The following DCTN6 variants were observed in gnomAD, a reference collection of about 807,000 sequenced individuals.
DCTN6 encodes the protein dynactin 6.
A neutral mutation model predicts 25.8 loss-of-function variants in DCTN6; 15 were observed. That is an observed-to-expected ratio of 0.58 (90% CI 0.39 to 0.89). DCTN6 has a LOEUF of 0.89. Ranked by LOEUF, DCTN6 falls within the 40% of genes least tolerant of loss-of-function variation. The pLI is 0.00. For missense variants in DCTN6, 198 were observed against 237.6 expected, an observed-to-expected ratio of 0.83 and a Z score of 1.09; for synonymous variants, 64 against 78.3, an observed-to-expected ratio of 0.82 and a Z score of 0.96.
At chr8:30,175,311 A>C (rs1585504370) in intron 3 of DCTN6, 121 bp downstream of exon 3, 1 of 759,400 alleles carries the variant, frequency 1.3e-6, no homozygotes, top group East Asian at 2.7e-5. Context: ...GAGCTAGAGA[A>C]GCATTAAGGG....
At chr8:30,156,934 T>A (rs1471161629) in intron 1 of DCTN6, among the ~76,000 whole-genome samples, 1 of 152,190 alleles carries the variant, frequency 6.6e-6, no homozygotes, top group Non-Finnish European at 1.5e-5. Flanking sequence ...GGACTTGAAC[T>A]GTGACACACA....
intron 3 of DCTN6, chr8:30,176,859 C>A: frequency 6.4e-6 from 2 of 311,696 alleles, no homozygotes; most frequent in Non-Finnish European, 1.2e-5. Flanking sequence ...CCTGTAGTCC[C>A]AGCTACTCGG....
chr8:30,180,126 A>G (rs977550665), intron 5 of DCTN6, among the ~76,000 whole-genome samples: 1 of 152,198 alleles, frequency 6.6e-6, no homozygotes, highest in Non-Finnish European at 1.5e-5. Context: ...AGCATTTTCT[A>G]TTTATTTTAT....
chr8:30,163,095 C>G (rs1244491590), intron 1 of DCTN6, among the ~76,000 whole-genome samples: 1 of 151,784 alleles, frequency 6.6e-6, no homozygotes, highest in Non-Finnish European at 1.5e-5. Context: ...GTCGGGAGTT[C>G]GAGACCAGCC....
intron 2 of DCTN6, among the ~76,000 whole-genome samples, chr8:30,168,599 T>A (rs576792937): frequency 6.6e-6 from 1 of 152,362 alleles, no homozygotes; most frequent in South Asian, 2.1e-4. Context: ...TCATGTATAC[T>A]TTTACAAATT....
At chr8:30,176,925 A>G (rs1803843415) in intron 3 of DCTN6, 1 of 438,594 alleles carries the variant, frequency 2.3e-6, no homozygotes, top group South Asian at 2.6e-5. Context: ...CAGTGATCCA[A>G]GATGGTGCCA....
chr8:30,161,406 AC>A (rs35720829), intron 1 of DCTN6, among the ~76,000 whole-genome samples: 5 of 150,504 alleles, frequency 3.3e-5, no homozygotes, highest in Admixed American at 2.0e-4. Flanking sequence ...TGCCTCCCTG[AC>A]CCCCCCCACC....
chr8:30,178,097 A>G (rs928601370), intron 4 of DCTN6, among the ~76,000 whole-genome samples: 4 of 152,036 alleles, frequency 2.6e-5, no homozygotes, highest in African/African-American at 9.7e-5. Flanking sequence ...AAAATATTCC[A>G]TTATTCATGT....
intron 6 of DCTN6, chr8:30,180,967 C>G (rs1382044645): frequency 9.1e-6 from 3 of 330,516 alleles, no homozygotes; most frequent in Admixed American, 4.7e-5. Context: ...GTGAGGTTAC[C>G]ATGAGCCATG....
At chr8:30,173,981 G>A (rs914042804) in intron 2 of DCTN6, among the ~76,000 whole-genome samples, 3 of 152,186 alleles carry the variant, frequency 2.0e-5, no homozygotes, top group Admixed American at 2.0e-4. Flanking sequence ...CCCTCAGCCT[G>A]TGGTAGATAA....
chr8:30,182,330 C>G (rs1172938837), intron 6 of DCTN6, among the ~76,000 whole-genome samples: 2 of 152,072 alleles, frequency 1.3e-5, no homozygotes, highest in Non-Finnish European at 2.9e-5. Flanking sequence ...TCAGGAAAAT[C>G]TGGGCAGTAC....
chr8:30,176,028 C>T (rs1020786430), intron 3 of DCTN6, among the ~76,000 whole-genome samples: 1 of 152,186 alleles, frequency 6.6e-6, no homozygotes, highest in African/African-American at 2.4e-5. Context: ...AGAACACAAA[C>T]ATTTTATCTT....
At chr8:30,173,607 G>A (rs528617482) in intron 2 of DCTN6, among the ~76,000 whole-genome samples, 1 of 152,060 alleles carries the variant, frequency 6.6e-6, no homozygotes, top group Non-Finnish European at 1.5e-5. Flanking sequence ...GCATGTGCCT[G>A]TAGTTCCAGT....
intron 1 of DCTN6, among the ~76,000 whole-genome samples, chr8:30,161,050 T>C (rs772558019): frequency 6.6e-6 from 1 of 152,208 alleles, no homozygotes; most frequent in Non-Finnish European, 1.5e-5. Context: ...TCTTGAATTA[T>C]AATGCCCACC....
intron 2 of DCTN6, among the ~76,000 whole-genome samples, chr8:30,172,510 A>G (rs1457983102): frequency 2.6e-5 from 4 of 151,544 alleles, no homozygotes; most frequent in African/African-American, 9.7e-5. Context: ...GGGTGCAGTC[A>G]TGTGATCTTG....
At chr8:30,170,462 C>T (rs1803749263) in intron 2 of DCTN6, among the ~76,000 whole-genome samples, 1 of 152,142 alleles carries the variant, frequency 6.6e-6, no homozygotes, top group Non-Finnish European at 1.5e-5. Flanking sequence ...GCGGTGCTTT[C>T]TCTCCCTCTC....
chr8:30,156,738 G>T lies in DCTN6; in HGVS notation c.23+332G>T, dbSNP rs184549611. On this transcript the variant is annotated intron_variant, in intron 1 of 6. Coordinates refer to ENST00000221114, the MANE Select transcript of DCTN6 (RefSeq NM_006571.4). ...CGTCAGCTTTTTCCTGGGGAAGGCC[G>T]GCTCCCTTCTCCCGCATAATCGGCG... 1.6e-3 allele frequency among the ~76,000 whole-genome samples: 243 copies of T among 152,296 alleles called. 1 individual carries two copies. The highest frequency in any genetic ancestry group is 4.2e-3 in the Admixed American group (65 of 15,304).
chr8:30,165,086 C>CA (rs1249615053), intron 2 of DCTN6, among the ~76,000 whole-genome samples: 5 of 152,072 alleles, frequency 3.3e-5, no homozygotes, highest in African/African-American at 1.2e-4. Context: ...TCATAACATG[C>CA]AAAATAGTAG....
intron 2 of DCTN6, among the ~76,000 whole-genome samples, chr8:30,170,291 A>G (rs1056537607): frequency 2.0e-5 from 3 of 152,174 alleles, no homozygotes; most frequent in African/African-American, 4.8e-5. Context: ...GAGAGAAGCT[A>G]TTTGATGAGT....
Sources: allele counts gnomAD v4.1 joint callset (sites outside exome capture counted in the v4.1 genomes callset), GRCh38; gene constraint gnomAD v4.1.1; transcripts MANE v1.5; gene names NCBI Gene and HGNC (gene_info 2026-07-23, HGNC 2026-07-21).